Variants in STK3 observed in about 807,000 individuals in gnomAD.
STK3 encodes the protein serine/threonine-protein kinase 3.
STK3 carries 41 observed loss-of-function variants against 58.0 expected under a neutral mutation model. The ratio of observed to expected loss-of-function variants is 0.71; its 90% CI spans 0.55 to 0.92. The LOEUF (loss-of-function observed/expected upper bound fraction) is 0.92. Ranked by LOEUF, STK3 falls within the 40% of genes least tolerant of loss-of-function variation. The pLI is 0.00. For missense variants in STK3, 479 were observed against 602.7 expected (o/e 0.79, Z 2.15); for synonymous variants, 170 against 191.0 (o/e 0.89, Z 0.91).
chr8:98,728,505 T>TAC (rs1260247423), intron 4 of STK3, among the ~76,000 whole-genome samples: 1 of 152,192 alleles, frequency 6.6e-6, no homozygotes. Flanking sequence ...TATGTAAATA[T>TAC]ATATATATAC....
At chr8:98,912,693 C>T (rs1041132021) in intron 1 of STK3, among the ~76,000 whole-genome samples, 18 of 152,068 alleles carry the variant, frequency 1.2e-4, no homozygotes, top group Non-Finnish European at 2.1e-4. Flanking sequence ...CCAGAGGTAG[C>T]GGGGGTAAAG....
intron 10 of STK3, among the ~76,000 whole-genome samples, chr8:98,499,726 A>G (rs1360122647): frequency 6.6e-6 from 1 of 152,208 alleles, no homozygotes; most frequent in East Asian, 1.9e-4. Context: ...AAACTGTAGG[A>G]AAGGAGATTT....
intron 3 of STK3, among the ~76,000 whole-genome samples, chr8:98,854,057 T>C (rs1014266331): frequency 6.6e-6 from 1 of 152,170 alleles, no homozygotes; most frequent in Non-Finnish European, 1.5e-5. Flanking sequence ...CAATATCTCT[T>C]ATGAATATGA....
intron 6 of STK3, among the ~76,000 whole-genome samples, chr8:98,637,478 A>G (rs1819705604): frequency 6.6e-6 from 1 of 152,194 alleles, no homozygotes; most frequent in Non-Finnish European, 1.5e-5. Flanking sequence ...GCTACAGAGC[A>G]TCACAGCCTG....
intron 2 of STK3, among the ~76,000 whole-genome samples, chr8:98,374,883 A>G (rs1817656562): frequency 6.6e-6 from 1 of 152,224 alleles, no homozygotes. Context: ...GTTGGTAGGA[A>G]TGGAATAAAT....
At chr8:98,728,888 A>G (rs992913316) in intron 4 of STK3, among the ~76,000 whole-genome samples, 1 of 152,228 alleles carries the variant, frequency 6.6e-6, no homozygotes, top group African/African-American at 2.4e-5. Context: ...AATAATCAAT[A>G]ATGCAAACTT....
At chr8:98,386,906 C>T (rs1563589601) in intron 1 of STK3, among the ~76,000 whole-genome samples, 2 of 152,154 alleles carry the variant, frequency 1.3e-5, no homozygotes, top group Non-Finnish European at 2.9e-5. Flanking sequence ...TACTGTGAGC[C>T]GAGATTGTAC....
rs560746106 is a variant in STK3, at chr8:98,907,492, G to A, written c.-78-23658C>T. The stretch of plus-strand genomic sequence containing the variant: ...TGTGCCACTGCACTCCAGCCTGGGC[G>A]ACAGGGAGAGACTCCATCTCAAAAC... On this transcript the variant is annotated intron_variant, in intron 1 of 1. Transcript: ENST00000519420. 5.3e-5 allele frequency among the ~76,000 whole-genome samples: 8 copies of A among 152,250 alleles called. No homozygotes were observed. The South Asian group carries it at 1.7e-3, about 32-fold the overall frequency.
At chr8:98,858,622 C>T (rs1248798833) in intron 3 of STK3, among the ~76,000 whole-genome samples, 8 of 151,032 alleles carry the variant, frequency 5.3e-5, no homozygotes, top group Non-Finnish European at 8.8e-5. Context: ...GGCCAGGCGC[C>T]GTGACTCACA....
At chr8:98,359,897 T>C in the STK3 span, among the ~76,000 whole-genome samples, 2 of 152,110 alleles carry the variant, frequency 1.3e-5, no homozygotes, top group Non-Finnish European at 2.9e-5. Flanking sequence ...TCCAGTGGCA[T>C]GGGAAGGGTA....
chr8:98,586,470 T>C (rs1198229861), intron 7 of STK3, among the ~76,000 whole-genome samples: 2 of 150,080 alleles, frequency 1.3e-5, no homozygotes, highest in Non-Finnish European at 3.0e-5. Context: ...GTGGATAAGC[T>C]TTTTGATGTG....
chr8:98,567,286 C>T (rs1812563965), intron 8 of STK3, among the ~76,000 whole-genome samples: 1 of 152,206 alleles, frequency 6.6e-6, no homozygotes, highest in Non-Finnish European at 1.5e-5. Context: ...CAACCTTAGC[C>T]TCCTGGGCTC....
intron 1 of STK3, among the ~76,000 whole-genome samples, chr8:98,822,431 C>T (rs924153083): frequency 3.3e-5 from 5 of 152,134 alleles, no homozygotes; most frequent in African/African-American, 1.2e-4. Context: ...CCACCTCAGC[C>T]CCACAAAGTG....
intron 10 of STK3, among the ~76,000 whole-genome samples, chr8:98,480,958 T>C (rs1191344027): frequency 6.6e-6 from 1 of 152,230 alleles, no homozygotes; most frequent in African/African-American, 2.4e-5. Flanking sequence ...TTTTCAGCTT[T>C]TTGAATATAT....
intron 6 of STK3, among the ~76,000 whole-genome samples, chr8:98,673,247 C>G (rs1401897200): frequency 6.6e-6 from 1 of 152,148 alleles, no homozygotes; most frequent in Non-Finnish European, 1.5e-5. Context: ...ACATCTAGGT[C>G]ATAAGACCAG....
intron 6 of STK3, among the ~76,000 whole-genome samples, chr8:98,688,552 A>G (rs1018285010): frequency 3.9e-5 from 6 of 152,216 alleles, no homozygotes; most frequent in Non-Finnish European, 8.8e-5. Context: ...ATTCAAAAAA[A>G]TCAAAATCAT....
intron 6 of STK3, among the ~76,000 whole-genome samples, chr8:98,673,359 G>C (rs73277804): frequency 0.018 from 2,695 of 152,198 alleles, 77 homozygotes; most frequent in African/African-American, 0.062. Flanking sequence ...TGTAGATATA[G>C]TACTAACACC....
chr8:98,565,809 CAG>C (rs1812428337), intron 8 of STK3, among the ~76,000 whole-genome samples: 8 of 152,064 alleles, frequency 5.3e-5, no homozygotes, highest in Admixed American at 2.6e-4. Flanking sequence ...TATGAACAAA[CAG>C]ATATATTATT....
intron 10 of STK3, among the ~76,000 whole-genome samples, chr8:98,494,654 CAAAAAAAAA>C (rs398008984): frequency 2.2e-4 from 9 of 40,460 alleles, no homozygotes; most frequent in Admixed American, 6.1e-4. Flanking sequence ...GACCCTGTCT[CAAAAAAAAA>C]AAAAAAAAAA....
Sources: gnomAD v4.1 joint callset for allele counts (sites outside exome capture counted in the v4.1 genomes callset) on GRCh38, gnomAD v4.1.1 for gene constraint, MANE v1.5 for transcripts, NCBI Gene and HGNC (gene_info 2026-07-23, HGNC 2026-07-21) for gene names.